SCARA5: variants seen among roughly 807,000 people sequenced by gnomAD.
The protein encoded by SCARA5 is scavenger receptor class A member 5, also known as scavenger receptor class A, member 5 (putative).
SCARA5 carries 45 observed loss-of-function variants against 46.3 expected under a neutral mutation model. That is an observed-to-expected ratio of 0.97 (90% CI 0.76 to 1.24). The LOEUF is 1.24. Among genes scored for constraint, SCARA5 ranks in the 50% most tolerant of loss-of-function variants. SCARA5 has a pLI of 0.00. For missense variants in SCARA5, 680 were observed against 689.0 expected (o/e 0.99, Z 0.15); for synonymous variants, 333 against 306.5 (o/e 1.09, Z -0.90).
intron 3 of SCARA5, among the ~76,000 whole-genome samples, chr8:27,935,744 C>T (rs1441366481): frequency 6.6e-6 from 1 of 152,062 alleles, no homozygotes; most frequent in African/African-American, 2.4e-5. Flanking sequence ...GGCTGTTGGC[C>T]CCACCCATTC....
chr8:27,905,773 C>T, intron 6 of SCARA5, among the ~76,000 whole-genome samples: 1 of 141,746 alleles, frequency 7.1e-6, no homozygotes. Context: ...TGCAGTGGTG[C>T]AATCTTAGCT....
rs147880410 is a variant in SCARA5, at chr8:27,940,909, T to C, written c.242-18664A>G. On this transcript the variant is annotated intron_variant, in intron 3 of 8. Transcript: ENST00000354914. ...GCAAGAGTTACTTTGAAAGATTAAT[T>C]GGGCCTAGAGTATTTTGCATTATTA... Among the ~76,000 whole-genome samples, 1,329 of 152,234 alleles carry C rather than the reference T, an allele frequency of 8.7e-3. 21 individuals are homozygous for C. The highest frequency in any genetic ancestry group is 0.031 in the African/African-American group (1,276 of 41,518).
chr8:27,888,745 T>A (rs557144045), intron 7 of SCARA5, among the ~76,000 whole-genome samples: 1,597 of 152,306 alleles, frequency 0.01, 17 homozygotes, highest in African/African-American at 0.036. Context: ...GTGACCAAGG[T>A]TCTTCCCTTT....
In SCARA5 at chr8:27,879,662, C is replaced by G; in HGVS notation, c.1258G>C (p.Asp420His). Reference sequence around the variant, plus strand: ...TCTCCGTCCTTCTTGTCCCAGCCGTCGTCACACACGGTGCCCCAACGCCGG... The same window carrying G: ...TCTCCGTCCTTCTTGTCCCAGCCGTGGTCACACACGGTGCCCCAACGCCGG... The part of the protein sequence containing the change: ...HDRRWGTVCD[D>H]GWDKKDGDVV... The change falls in exon 8 of 9, where the codon GAC becomes CAC. Residue 420 changes from aspartate (D) to histidine (H), a missense_variant. Asp to His is a moderately conservative substitution (Grantham distance 81). Coordinates refer to ENST00000354914, the MANE Select transcript of SCARA5 (RefSeq NM_173833.6). 6.2e-7 allele frequency: 1 copy of G among 1,613,038 alleles called. No individual in the cohort carries two copies. Among genetic ancestry groups the G allele is most frequent in the Non-Finnish European group, 8.5e-7 (1 of 1,180,010 alleles).
At chr8:27,917,828 A>C (rs1422939049) in intron 4 of SCARA5, among the ~76,000 whole-genome samples, 1 of 152,200 alleles carries the variant, frequency 6.6e-6, no homozygotes, top group African/African-American at 2.4e-5. Context: ...AAGGGAGGTC[A>C]AGGAAAAGAG....
chr8:27,898,071 G>C (rs1373568269), intron 7 of SCARA5, among the ~76,000 whole-genome samples: 1 of 152,234 alleles, frequency 6.6e-6, no homozygotes, highest in Non-Finnish European at 1.5e-5. Context: ...AGAGATGAAA[G>C]TAATACAACG....
intron 4 of SCARA5, among the ~76,000 whole-genome samples, chr8:27,915,588 G>T (rs2685330): frequency 6.6e-6 from 1 of 152,028 alleles, no homozygotes; most frequent in Non-Finnish European, 1.5e-5. Flanking sequence ...ACTCTGTGAC[G>T]TCATCCCTTT....
rs1319684933 is a variant in SCARA5, at chr8:27,992,598, T to C, written c.-357A>G. ...GTCCTGGGTAGCGATCAGGAGATGT[T>C]CTGAGGAGGCACCGGCAGCTCCTCT... On this transcript the variant is annotated 5_prime_UTR_variant, in exon 1 of 9. Coordinates refer to ENST00000354914, the MANE Select transcript of SCARA5 (RefSeq NM_173833.6). 6.6e-6 allele frequency: 1 copy of C among 152,302 alleles called. No homozygotes were observed. Among genetic ancestry groups the C allele is most frequent in the Non-Finnish European group, 1.5e-5 (1 of 68,114 alleles). 9.4% of individuals were successfully genotyped at this position (152,302 alleles called of 1,614,324 possible). A position where few individuals can be genotyped will look rare whatever the true frequency, so the allele number is the denominator to read the frequency against.
intron 3 of SCARA5, among the ~76,000 whole-genome samples, chr8:27,946,751 G>A (rs565388189): frequency 6.6e-5 from 10 of 152,282 alleles, no homozygotes; most frequent in Admixed American, 3.3e-4. Flanking sequence ...AGAATCTGAC[G>A]AGGCCTCCTT....
intron 1 of SCARA5, 102 bp from the exon 2 acceptor site, chr8:27,987,732 G>T: frequency 2.9e-6 from 2 of 698,828 alleles, no homozygotes. Context: ...AGAACAAGGT[G>T]CCCACCCCTG....
intron 7 of SCARA5, among the ~76,000 whole-genome samples, chr8:27,899,796 G>T (rs1363314363): frequency 1.3e-5 from 2 of 152,120 alleles, no homozygotes; most frequent in Admixed American, 1.3e-4. Flanking sequence ...TCTTTACCTG[G>T]GACACATTCA....
rs189455598 is a variant in SCARA5, at chr8:27,948,713, G to A, written c.241+17701C>T. ...CGCAGGAAGCCTAGCTGTGGGACTC[G>A]CTCCAAGACTGAAAGGGGAGGAAAA... is the stretch of plus-strand genomic sequence containing the variant. On this transcript the variant is annotated intron_variant, in intron 3 of 8. Transcript: ENST00000354914. 2.5e-3 allele frequency among the ~76,000 whole-genome samples: 388 copies of A among 152,312 alleles called. 5 individuals are homozygous for A. Among genetic ancestry groups the A allele is most frequent in the African/African-American group, 8.7e-3 (363 of 41,568 alleles).
intron 3 of SCARA5, among the ~76,000 whole-genome samples, chr8:27,948,046 G>T (rs1289244955): frequency 2.6e-5 from 4 of 152,126 alleles, no homozygotes; most frequent in Non-Finnish European, 5.9e-5. Context: ...CTGCTAGTGG[G>T]TGGTGGCGAT....
chr8:27,906,200 C>G lies in SCARA5; in HGVS notation c.1096+948G>C. Among the ~76,000 whole-genome samples, 2 of 152,128 alleles carry G rather than the reference C, an allele frequency of 1.3e-5. 1 individual carries two copies. Among genetic ancestry groups the G allele is most frequent in the Non-Finnish European group, 2.9e-5 (2 of 68,018 alleles). On this transcript the variant is annotated intron_variant, in intron 6 of 8. Coordinates refer to ENST00000354914, the MANE Select transcript of SCARA5 (RefSeq NM_173833.6). ...CATGGAGTGGGAATGATTAGCAGTA[C>G]TTTTTTCTTAGTTTTCATTTTAACA... is the stretch of plus-strand genomic sequence containing the variant.
chr8:27,880,812 G>T (rs1806798633), intron 7 of SCARA5, among the ~76,000 whole-genome samples: 1 of 132,500 alleles, frequency 7.5e-6, no homozygotes, highest in South Asian at 2.4e-4. Context: ...CCACGTTTGT[G>T]CCACTGCACT....
chr8:27,921,580 G>A lies in SCARA5; in HGVS notation c.907C>T (p.Leu303Phe), dbSNP rs1343692405. 1.9e-6 allele frequency: 3 copies of A among 1,552,760 alleles called. No individual in the cohort carries two copies. Among genetic ancestry groups the A allele is most frequent in the African/African-American group, 2.8e-5 (2 of 71,988 alleles). The change falls in exon 4 of 9, where the codon CTC becomes TTC. Residue 303 changes from leucine (L) to phenylalanine (F), a missense_variant. Coordinates refer to ENST00000354914, the MANE Select transcript of SCARA5 (RefSeq NM_173833.6). ...AAGGGCCTGGCGGTACCTTTCGCGAGGGAGATGTTCCGCAGTGCGATGGAG... is the reference window on the plus strand; with the variant it reads ...AAGGGCCTGGCGGTACCTTTCGCGAAGGAGATGTTCCGCAGTGCGATGGAG... ...EHSIALRNIS[L>F]AKGPPGPKGD...
At chr8:27,959,779 CACA>C (rs987043627) in intron 3 of SCARA5, among the ~76,000 whole-genome samples, 4 of 152,158 alleles carry the variant, frequency 2.6e-5, no homozygotes, top group Non-Finnish European at 4.4e-5. Flanking sequence ...TTGGGAAAAG[CACA>C]ACACCATGTC....
chr8:27,875,423 G>A (rs967942738), intron 8 of SCARA5, among the ~76,000 whole-genome samples: 1 of 152,200 alleles, frequency 6.6e-6, no homozygotes, highest in Non-Finnish European at 1.5e-5. Context: ...GATCATAGAG[G>A]AGGGTTATTT....
Position 27,871,623 on chromosome 8 carries a change from T to C in SCARA5, c.*311A>G, listed in dbSNP as rs2129646022. 1 of 1,239,666 alleles carries C rather than the reference T, an allele frequency of 8.1e-7. No homozygotes were observed. Among genetic ancestry groups the C allele is most frequent in the Non-Finnish European group, 1.0e-6 (1 of 982,946 alleles). The allele number at this position is 1,239,666 out of a possible 1,614,324, so 76.8% of individuals were successfully genotyped here. On this transcript the variant is annotated 3_prime_UTR_variant, in exon 9 of 9. Transcript: ENST00000354914. ...CTGTAACTAAAAGGCCAAAGGGAACTGGGATATTGAGGCCTGGTGCATGGT... is the reference window on the plus strand; with the variant it reads ...CTGTAACTAAAAGGCCAAAGGGAACCGGGATATTGAGGCCTGGTGCATGGT...
Sources: allele counts gnomAD v4.1 joint callset (sites outside exome capture counted in the v4.1 genomes callset), GRCh38; gene constraint gnomAD v4.1.1; transcripts MANE v1.5; gene names NCBI Gene and HGNC (gene_info 2026-07-23, HGNC 2026-07-21).